The following FOXP2 variants were observed in gnomAD, a reference collection of about 807,000 sequenced individuals.
FOXP2 encodes the protein forkhead box P2, also known as forkhead box protein P2.
In FOXP2, 12 loss-of-function variants were observed where a neutral mutation model predicts 115.8. The ratio of observed to expected loss-of-function variants is 0.10; its 90% CI spans 0.07 to 0.17. The LOEUF is 0.17. FOXP2 is among the 10% of genes least tolerant of loss of function. The pLI, the probability that FOXP2 is intolerant of heterozygous loss-of-function variation, is 1.00. For missense variants in FOXP2, 629 were observed against 843.5 expected, an observed-to-expected ratio of 0.75 and a Z score of 3.15; for synonymous variants, 328 against 297.7, an observed-to-expected ratio of 1.10 and a Z score of -1.05.
At chr7:114,112,701 G>A (rs1343198144) in intron 1 of FOXP2, among the ~76,000 whole-genome samples, 1 of 152,136 alleles carries the variant, frequency 6.6e-6, no homozygotes, top group African/African-American at 2.4e-5. Flanking sequence ...GAATAGGGAG[G>A]CTCCAGTGGA....
At chr7:114,284,363 G>T (rs1796413321) in intron 1 of FOXP2, among the ~76,000 whole-genome samples, 1 of 152,062 alleles carries the variant, frequency 6.6e-6, no homozygotes, top group East Asian at 1.9e-4. Flanking sequence ...CCAGAACCAG[G>T]ACAGTGTGTG....
At chr7:114,464,539 T>G (rs1488307993) in intron 2 of FOXP2, among the ~76,000 whole-genome samples, 2 of 152,192 alleles carry the variant, frequency 1.3e-5, no homozygotes, top group African/African-American at 4.8e-5. Flanking sequence ...GATAATGTAG[T>G]TGGGTAGATC....
chr7:114,317,925 G>A (rs1382998724), intron 2 of FOXP2, among the ~76,000 whole-genome samples: 2 of 151,948 alleles, frequency 1.3e-5, no homozygotes, highest in Non-Finnish European at 2.9e-5. Context: ...TGTTCCCTCT[G>A]ACTGGGTTGC....
intron 9 of FOXP2, chr7:114,653,579 C>T (rs1157073514): frequency 2.9e-6 from 1 of 348,976 alleles, no homozygotes; most frequent in Non-Finnish European, 5.6e-6. Context: ...GGCACTAGTC[C>T]ATTGCTAACA....
At chr7:114,402,664 A>G (rs1408338415) in intron 2 of FOXP2, among the ~76,000 whole-genome samples, 1 of 151,256 alleles carries the variant, frequency 6.6e-6, no homozygotes, top group Non-Finnish European at 1.5e-5. Context: ...CTGTCACCCA[A>G]GCTGGAGGCT....
At chr7:114,321,237 T>C (rs963981873) in intron 2 of FOXP2, among the ~76,000 whole-genome samples, 5 of 151,324 alleles carry the variant, frequency 3.3e-5, no homozygotes, top group Admixed American at 2.6e-4. Flanking sequence ...CTTGCTCTGT[T>C]GCCCAGGCTG....
Position 114,353,334 on chromosome 7 carries a change from C to CTTTTT in FOXP2, c.-11+65246_-11+65250dup, listed in dbSNP as rs138925770. On this transcript the variant is annotated intron_variant, in intron 2 of 17. Transcript: ENST00000634411. ...CATTTGTTAATCTGTATAGGAGCCTCTTTTTTTTTTTTTTTTTTTTTTTTT... is the reference window on the plus strand; with the variant it reads ...CATTTGTTAATCTGTATAGGAGCCTCTTTTTTTTTTTTTTTTTTTTTTTTTTTTTT... 1.0e-3 allele frequency among the ~76,000 whole-genome samples: 65 copies of CTTTTT among 64,128 alleles called. 3 individuals carry two copies. The highest frequency in any genetic ancestry group is 1.3e-3 in the Non-Finnish European group (47 of 35,608). The allele number at this position is 64,128 out of a possible 152,430, so 42.1% of individuals were successfully genotyped here. A position where few individuals can be genotyped will look rare whatever the true frequency, so the allele number is the denominator to read the frequency against.
At chr7:114,208,403 T>A (rs1177789906) in intron 1 of FOXP2, among the ~76,000 whole-genome samples, 1 of 152,174 alleles carries the variant, frequency 6.6e-6, no homozygotes, top group Non-Finnish European at 1.5e-5. Context: ...AGTAACTAAC[T>A]TGCTTTTTAT....
Position 114,691,901 on chromosome 7 carries a change from AAAG to A in FOXP2, c.*1976_*1978del, listed in dbSNP as rs1243987959. The A allele has an allele frequency of 4.4e-6, 2 of 452,550 alleles. No homozygotes were observed. Among genetic ancestry groups the A allele is most frequent in the Non-Finnish European group, 8.8e-6 (2 of 226,386 alleles). 28.0% of individuals were successfully genotyped at this position (452,550 alleles called of 1,614,324 possible). ...TCAAAAGGGTTTTCCCACTTACCCAAAAGGCTTTCTGAAAGCTTCTACCTCTGC... is the reference window on the plus strand; with the variant it reads ...TCAAAAGGGTTTTCCCACTTACCCAAGCTTTCTGAAAGCTTCTACCTCTGC... On this transcript the variant is annotated 3_prime_UTR_variant, in exon 17 of 17. Coordinates refer to ENST00000350908, the MANE Select transcript of FOXP2 (RefSeq NM_014491.4).
At chr7:114,256,869 C>T (rs547607776) in intron 1 of FOXP2, among the ~76,000 whole-genome samples, 4 of 152,254 alleles carry the variant, frequency 2.6e-5, no homozygotes, top group East Asian at 1.9e-4. Context: ...GGCCATACTG[C>T]CCAAAGTAAT....
chr7:114,634,852 G>A (rs983684647), intron 6 of FOXP2, among the ~76,000 whole-genome samples: 3 of 152,016 alleles, frequency 2.0e-5, no homozygotes, highest in Admixed American at 6.6e-5. Flanking sequence ...TGTGACATCC[G>A]ATAAACGTTT....
At chr7:114,225,706 G>A (rs1344801917) in intron 1 of FOXP2, among the ~76,000 whole-genome samples, 1 of 152,006 alleles carries the variant, frequency 6.6e-6, no homozygotes, top group East Asian at 1.9e-4. Context: ...TCCTGTCTTG[G>A]CCGCCCAAAG....
chr7:114,233,530 T>G (rs1486272819), intron 1 of FOXP2, among the ~76,000 whole-genome samples: 2 of 152,216 alleles, frequency 1.3e-5, no homozygotes, highest in East Asian at 3.8e-4. Flanking sequence ...CTTCAAGGGC[T>G]ATGGGAATGG....
At chr7:114,260,893 T>G (rs926707644) in intron 1 of FOXP2, among the ~76,000 whole-genome samples, 2 of 148,942 alleles carry the variant, frequency 1.3e-5, no homozygotes, top group Admixed American at 1.3e-4. Context: ...AAAAAAGAAA[T>G]TAACGAGTGG....
At chr7:114,689,704 A>G (rs1293084492) in intron 16 of FOXP2, 78 bp from the exon 17 acceptor site, 1 of 1,473,962 alleles carries the variant, frequency 6.8e-7, no homozygotes, top group East Asian at 2.3e-5. Flanking sequence ...TTTTCAGTTG[A>G]CCTCTTCACT....
intron 3 of FOXP2, among the ~76,000 whole-genome samples, chr7:114,597,449 C>T (rs937398116): frequency 2.0e-5 from 3 of 152,104 alleles, no homozygotes; most frequent in African/African-American, 7.2e-5. Context: ...TCTGAAACCT[C>T]TACTTCTTTG....
intron 1 of FOXP2, among the ~76,000 whole-genome samples, chr7:114,114,090 T>A (rs1188581409): frequency 6.6e-6 from 1 of 151,768 alleles, no homozygotes; most frequent in Non-Finnish European, 1.5e-5. Flanking sequence ...GAAAACATGA[T>A]TCAGTATAGA....
chr7:114,551,317 G>A (rs1449008466), intron 3 of FOXP2, among the ~76,000 whole-genome samples: 1 of 152,170 alleles, frequency 6.6e-6, no homozygotes, highest in African/African-American at 2.4e-5. Context: ...TCCTCAGGGA[G>A]TTGACAATCT....
At chr7:114,145,569 C>T (rs1792349632) in intron 1 of FOXP2, among the ~76,000 whole-genome samples, 1 of 150,344 alleles carries the variant, frequency 6.7e-6, no homozygotes. Context: ...CTCACTGCAA[C>T]CTCCACCTCC....
Sources: allele counts gnomAD v4.1 joint callset (sites outside exome capture counted in the v4.1 genomes callset), GRCh38; gene constraint gnomAD v4.1.1; transcripts MANE v1.5; gene names NCBI Gene and HGNC (gene_info 2026-07-23, HGNC 2026-07-21).